Variants in WWOX observed in about 807,000 individuals in gnomAD.
WWOX encodes WW domain containing oxidoreductase.
Under a neutral mutation model 46.2 loss-of-function variants are expected in WWOX, and 69 were observed. That is an observed-to-expected ratio of 1.49 (90% CI 1.23 to 1.82). The LOEUF is 1.82. WWOX is among the 40% of genes most tolerant of loss of function. The pLI is 0.00. For missense variants in WWOX, 919 were observed against 542.6 expected (o/e 1.69, Z -6.89); for synonymous variants, 359 against 202.6 (o/e 1.77, Z -6.56).
At chr16:78,835,758 C>T (rs539104591) in intron 8 of WWOX, among the ~76,000 whole-genome samples, 3 of 152,200 alleles carry the variant, frequency 2.0e-5, no homozygotes, top group African/African-American at 7.2e-5. Flanking sequence ...AAAACAATAA[C>T]AACAAAAAAT....
intron 8 of WWOX, among the ~76,000 whole-genome samples, chr16:79,174,462 A>C (rs1266790320): frequency 3.3e-5 from 5 of 152,182 alleles, no homozygotes; most frequent in East Asian, 3.9e-4. Context: ...TAGCTTGACC[A>C]ACATAGTGAA....
chr16:78,637,417 G>T (rs2046599264), intron 8 of WWOX, among the ~76,000 whole-genome samples: 2 of 151,242 alleles, frequency 1.3e-5, no homozygotes, highest in African/African-American at 4.9e-5. Context: ...TTCCAGCCTG[G>T]GCAACAAGAG....
At chr16:79,195,673 G>A (rs1358808002) in intron 8 of WWOX, among the ~76,000 whole-genome samples, 1 of 152,220 alleles carries the variant, frequency 6.6e-6, no homozygotes, top group African/African-American at 2.4e-5. Context: ...AGGTAAGCCA[G>A]CTTGTCTAGA....
At chr16:79,177,562 G>A (rs930480577) in intron 8 of WWOX, among the ~76,000 whole-genome samples, 19 of 151,972 alleles carry the variant, frequency 1.3e-4, no homozygotes, top group Non-Finnish European at 1.5e-4. Context: ...TCAATTCACC[G>A]GCTCTTTTAT....
At chr16:78,429,548 A>G (rs1304509324) in intron 7 of WWOX, among the ~76,000 whole-genome samples, 1 of 152,000 alleles carries the variant, frequency 6.6e-6, no homozygotes, top group African/African-American at 2.4e-5. Flanking sequence ...ATGAGTAGAG[A>G]GAGGGAGGGG....
At chr16:78,751,889 G>A (rs1189618093) in intron 8 of WWOX, among the ~76,000 whole-genome samples, 1 of 152,140 alleles carries the variant, frequency 6.6e-6, no homozygotes, top group Admixed American at 6.6e-5. Context: ...GAGTAAGACT[G>A]GAGGCAGAGT....
At chr16:78,396,177 C>G (rs1431769816) in intron 6 of WWOX, among the ~76,000 whole-genome samples, 1 of 152,154 alleles carries the variant, frequency 6.6e-6, no homozygotes, top group Non-Finnish European at 1.5e-5. Context: ...TTATTTCTTT[C>G]TTACAGTAGT....
chr16:79,132,169 C>T (rs1023969403), intron 8 of WWOX, among the ~76,000 whole-genome samples: 2 of 151,216 alleles, frequency 1.3e-5, no homozygotes, highest in African/African-American at 2.4e-5. Context: ...CACACACACC[C>T]CTTCCTACGT....
intron 8 of WWOX, among the ~76,000 whole-genome samples, chr16:79,047,298 C>G (rs1369445099): frequency 6.6e-6 from 1 of 152,130 alleles, no homozygotes; most frequent in Non-Finnish European, 1.5e-5. Flanking sequence ...TCTTAATAGT[C>G]TGAAGTGTTT....
chr16:79,129,315 C>G (rs921540674), intron 8 of WWOX, among the ~76,000 whole-genome samples: 2 of 149,972 alleles, frequency 1.3e-5, no homozygotes, highest in African/African-American at 4.9e-5. Flanking sequence ...GGGGGGCACA[C>G]TTCCTGATAT....
intron 8 of WWOX, among the ~76,000 whole-genome samples, chr16:78,814,340 A>G (rs1013023649): frequency 6.6e-6 from 1 of 152,282 alleles, no homozygotes; most frequent in South Asian, 2.1e-4. Flanking sequence ...AAACTGGAAA[A>G]AATGCACTTT....
chr16:78,649,773 C>A (rs945379516), intron 8 of WWOX, among the ~76,000 whole-genome samples: 1 of 152,092 alleles, frequency 6.6e-6, no homozygotes, highest in Non-Finnish European at 1.5e-5. Flanking sequence ...CTCATTTAAC[C>A]CTTAGGAAAA....
At chr16:78,174,485 A>AT (rs1301868158) in intron 5 of WWOX, among the ~76,000 whole-genome samples, 1 of 152,210 alleles carries the variant, frequency 6.6e-6, no homozygotes, top group Non-Finnish European at 1.5e-5. Flanking sequence ...AGACACAAAC[A>AT]TTCAATTCAC....
At chr16:78,201,742 A>G (rs1322514099) in intron 5 of WWOX, among the ~76,000 whole-genome samples, 1 of 151,694 alleles carries the variant, frequency 6.6e-6, no homozygotes, top group Non-Finnish European at 1.5e-5. Context: ...CTTTGTCACC[A>G]AGTCTGGAGT....
At chr16:78,327,279 G>T (rs952764943) in intron 5 of WWOX, among the ~76,000 whole-genome samples, 3 of 152,148 alleles carry the variant, frequency 2.0e-5, no homozygotes, top group African/African-American at 7.2e-5. Context: ...TGACAGGCTG[G>T]CTTGATTTCT....
chr16:78,558,498 G>C (rs2151554101), intron 8 of WWOX, among the ~76,000 whole-genome samples: 1 of 152,236 alleles, frequency 6.6e-6, no homozygotes, highest in East Asian at 1.9e-4. Context: ...TTGAGCAGCG[G>C]CTGCCCCTCT....
At chr16:78,551,819 C>T (rs994508413) in intron 8 of WWOX, 3 of 152,156 alleles carry the variant, frequency 2.0e-5, no homozygotes, top group African/African-American at 7.2e-5. Context: ...ATTTTACGCT[C>T]GAGATCAAAA....
chr16:78,609,443 C>G (rs74029590), intron 8 of WWOX, among the ~76,000 whole-genome samples: 3,355 of 150,538 alleles, frequency 0.022, 119 homozygotes, highest in African/African-American at 0.077. Flanking sequence ...GTCCTATTTT[C>G]TAAGTAAAAG....
intron 8 of WWOX, among the ~76,000 whole-genome samples, chr16:78,607,586 C>T (rs1389098535): frequency 2.0e-5 from 3 of 151,494 alleles, no homozygotes; most frequent in Non-Finnish European, 1.5e-5. Flanking sequence ...GAGAAGTCTC[C>T]AAAGAATGAC....
Sources: allele counts gnomAD v4.1 joint callset (sites outside exome capture counted in the v4.1 genomes callset), GRCh38; gene constraint gnomAD v4.1.1; transcripts MANE v1.5; gene names NCBI Gene and HGNC (gene_info 2026-07-23, HGNC 2026-07-21).